LPIN2: variants seen among roughly 807,000 people sequenced by gnomAD.
LPIN2 encodes the protein phosphatidate phosphatase LPIN2.
LPIN2 carries 55 observed loss-of-function variants against 111.4 expected under a neutral mutation model. The observed-to-expected ratio is 0.49, with a 90% CI of 0.40 to 0.62. LPIN2 has a LOEUF of 0.62. LPIN2 is among the 20% of genes least tolerant of loss of function. LPIN2 has a pLI of 0.00. For missense variants in LPIN2, 992 were observed against 1,112.1 expected (o/e 0.89, Z 1.54); for synonymous variants, 425 against 414.0 (o/e 1.03, Z -0.32).
chr18:2,923,585 A>G (rs971368264), intron 16 of LPIN2, among the ~76,000 whole-genome samples, 190 bp downstream of exon 16: 2 of 152,180 alleles, frequency 1.3e-5, no homozygotes, highest in African/African-American at 4.8e-5. Context: ...AACTGAGATG[A>G]CACAGGTTCG....
chr18:2,968,994 T>C (rs771238177), intron 1 of LPIN2, among the ~76,000 whole-genome samples: 6 of 152,126 alleles, frequency 3.9e-5, no homozygotes, highest in Non-Finnish European at 8.8e-5. Context: ...TTGATGACTG[T>C]TGCATGAACC....
At chr18:2,975,465 G>C (rs59489427) in intron 1 of LPIN2, among the ~76,000 whole-genome samples, 10,914 of 152,140 alleles carry the variant, frequency 0.072, 1,027 homozygotes, top group East Asian at 0.46. Context: ...CTCTCGAGTA[G>C]CCGGGACTAC....
chr18:2,946,350 T>G (rs748283476), intron 4 of LPIN2: 2 of 1,496,504 alleles, frequency 1.3e-6, no homozygotes, highest in South Asian at 2.3e-5. Context: ...CTATTATGTC[T>G]ACCTTTTGTA....
intron 1 of LPIN2, among the ~76,000 whole-genome samples, chr18:2,993,469 A>C (rs184524914): frequency 6.6e-6 from 1 of 152,366 alleles, no homozygotes; most frequent in Admixed American, 6.5e-5. Flanking sequence ...ATTTCTATGT[A>C]TCCTTCTAGG....
At chr18:2,933,931 A>G (rs2077248869) in intron 8 of LPIN2, among the ~76,000 whole-genome samples, 1 of 152,244 alleles carries the variant, frequency 6.6e-6, no homozygotes, top group South Asian at 2.1e-4. Flanking sequence ...GGTTCAGAAA[A>G]GGCTCAGGAT....
chr18:2,996,247 G>A (rs2078339071), intron 1 of LPIN2, among the ~76,000 whole-genome samples: 1 of 151,912 alleles, frequency 6.6e-6, no homozygotes, highest in Admixed American at 6.6e-5. Context: ...GGCTGAGGCA[G>A]GAGAATAGCT....
chr18:2,944,518 A>T (rs1357949300), intron 4 of LPIN2, among the ~76,000 whole-genome samples: 1 of 151,520 alleles, frequency 6.6e-6, no homozygotes, highest in Non-Finnish European at 1.5e-5. Flanking sequence ...CGCCCAGCTA[A>T]TTTTTGTATT....
At position 2,934,698 on chromosome 18, in the gene LPIN2, T is replaced by C. The variant is rs557901666; in HGVS notation, c.1169-248A>G. On this transcript the variant is annotated intron_variant, in intron 7 of 19. Transcript: ENST00000677752. ...CTCTCATTTGCTGTTAATTGAGTAA[T>C]ACTAGCCCCTAAATAATTTATATTT... Among the ~76,000 whole-genome samples, 2 of 152,356 alleles carry C rather than the reference T, an allele frequency of 1.3e-5. 1 individual carries two copies. The highest frequency in any genetic ancestry group is 4.1e-4 in the South Asian group (2 of 4,826).
chr18:2,972,627 G>A (rs570491157), intron 1 of LPIN2, among the ~76,000 whole-genome samples: 4 of 152,214 alleles, frequency 2.6e-5, no homozygotes, highest in South Asian at 4.1e-4. Flanking sequence ...CAATTTTATC[G>A]TTAAATTTCA....
chr18:2,946,556 G>A, intron 4 of LPIN2: 1 of 1,357,508 alleles, frequency 7.4e-7, no homozygotes, highest in Non-Finnish European at 1.1e-6. Context: ...CACTGTCACA[G>A]GCAAGGCCCA....
At chr18:2,936,025 G>A (rs1021125733) in intron 7 of LPIN2, among the ~76,000 whole-genome samples, 4 of 152,278 alleles carry the variant, frequency 2.6e-5, no homozygotes, top group African/African-American at 9.6e-5. Context: ...CATAACAAGT[G>A]GCTACAGGCC....
intron 9 of LPIN2, among the ~76,000 whole-genome samples, chr18:2,931,012 TCC>T: frequency 6.6e-6 from 1 of 152,190 alleles, no homozygotes; most frequent in East Asian, 1.9e-4. Flanking sequence ...GCCTGATAAC[TCC>T]CAACCTCTTA....
intron 4 of LPIN2, among the ~76,000 whole-genome samples, chr18:2,944,134 C>T (rs1357403668): frequency 6.6e-6 from 1 of 151,324 alleles, no homozygotes; most frequent in Non-Finnish European, 1.5e-5. Flanking sequence ...AAAACCTATC[C>T]AAACGATCTA....
At chr18:2,924,101 A>G (rs2077095975) in intron 15 of LPIN2, among the ~76,000 whole-genome samples, 1 of 152,302 alleles carries the variant, frequency 6.6e-6, no homozygotes, top group South Asian at 2.1e-4. Context: ...TGACTGCCAC[A>G]CTTTCTCTTT....
intron 1 of LPIN2, chr18:2,982,905 TA>T (rs879175124): frequency 0.15 from 41,589 of 285,608 alleles, no homozygotes; most frequent in South Asian, 0.26. Flanking sequence ...AAATGGTTCT[TA>T]AAAAAAAAAA....
intron 1 of LPIN2, among the ~76,000 whole-genome samples, chr18:3,005,099 C>T (rs757102057): frequency 2.6e-5 from 4 of 152,188 alleles, no homozygotes; most frequent in Non-Finnish European, 5.9e-5. Flanking sequence ...CTTGTAATCC[C>T]AGCACTTTGG....
At chr18:2,933,039 T>C (rs1443321266) in intron 8 of LPIN2, among the ~76,000 whole-genome samples, 1 of 152,204 alleles carries the variant, frequency 6.6e-6, no homozygotes, top group African/African-American at 2.4e-5. Context: ...TGCCACCAAA[T>C]ACAAAAGTGT....
At chr18:2,992,007 CAAAAA>C (rs60252505) in intron 1 of LPIN2, among the ~76,000 whole-genome samples, 1 of 142,146 alleles carries the variant, frequency 7.0e-6, no homozygotes. Context: ...GACTCCATCT[CAAAAA>C]AAAAAAAAAG....
At chr18:2,935,429 C>G (rs976624274) in intron 7 of LPIN2, among the ~76,000 whole-genome samples, 1 of 152,084 alleles carries the variant, frequency 6.6e-6, no homozygotes, top group Admixed American at 6.5e-5. Context: ...GTGAGAGAGC[C>G]TAGAAGACAC....
Sources: allele counts gnomAD v4.1 joint callset (sites outside exome capture counted in the v4.1 genomes callset), GRCh38; gene constraint gnomAD v4.1.1; transcripts MANE v1.5; gene names NCBI Gene and HGNC (gene_info 2026-07-23, HGNC 2026-07-21).